RPS6KC1: variants seen among roughly 807,000 people sequenced by gnomAD.
RPS6KC1 encodes the protein ribosomal protein S6 kinase C1, also known as inactive ribosomal protein S6 kinase delta-1.
RPS6KC1 carries 54 observed loss-of-function variants against 103.8 expected under a neutral mutation model. The ratio of observed to expected loss-of-function variants is 0.52; its 90% CI spans 0.42 to 0.65. The LOEUF (loss-of-function observed/expected upper bound fraction) is 0.65, where lower values mean the gene tolerates loss of function less well. Ranked by LOEUF, RPS6KC1 falls within the 30% of genes least tolerant of loss-of-function variation. RPS6KC1 has a pLI of 0.00. For synonymous variants in RPS6KC1, 439 were observed against 438.7 expected (o/e 1.00, Z -0.01); for missense variants, 1,151 against 1,253.8 (o/e 0.92, Z 1.24).
the RPS6KC1 span, among the ~76,000 whole-genome samples, chr1:213,343,610 C>G: frequency 1.3e-5 from 2 of 150,038 alleles, no homozygotes. Flanking sequence ...GATGCAAAAG[C>G]ATAAGAATGA....
At chr1:213,728,962 T>TTTTTTTTTTTTTTTTTTTTTTG in the RPS6KC1 span, among the ~76,000 whole-genome samples, 1 of 146,934 alleles carries the variant, frequency 6.8e-6, no homozygotes, top group African/African-American at 2.6e-5. Flanking sequence ...TTTTTTTTTT[T>TTTTTTTTTTTTTTTTTTTTTTG]TTTACCAGTG....
intron 6 of RPS6KC1, among the ~76,000 whole-genome samples, chr1:213,136,021 G>GA (rs1283951573): frequency 6.6e-6 from 1 of 152,166 alleles, no homozygotes; most frequent in Non-Finnish European, 1.5e-5. Flanking sequence ...TAGTCCATCT[G>GA]AAAAAGAGTG....
the RPS6KC1 span, among the ~76,000 whole-genome samples, chr1:213,351,207 C>T: frequency 6.6e-6 from 1 of 152,142 alleles, no homozygotes; most frequent in Admixed American, 6.6e-5. Context: ...ATTTTGAACA[C>T]TTTTAAAGTT....
chr1:213,205,536 T>TATATATATATATATATATA (rs1553378413), intron 8 of RPS6KC1: 10 of 82,314 alleles, frequency 1.2e-4, no homozygotes, highest in East Asian at 1.0e-3. Context: ...ACAAACTCAT[T>TATATATATATATATATATA]TATATATATA....
the RPS6KC1 span, among the ~76,000 whole-genome samples, chr1:213,591,435 T>C: frequency 6.6e-6 from 1 of 152,198 alleles, no homozygotes; most frequent in Non-Finnish European, 1.5e-5. Context: ...TTTCCCACCA[T>C]GTTTCTCGGT....
the RPS6KC1 span, among the ~76,000 whole-genome samples, chr1:213,558,132 C>G: frequency 2.9e-4 from 44 of 152,216 alleles, no homozygotes; most frequent in Non-Finnish European, 2.8e-4. Flanking sequence ...GGAGGCTTTA[C>G]AGAGGCTTTT....
the RPS6KC1 span, among the ~76,000 whole-genome samples, chr1:213,659,516 GTCA>G: frequency 2.3e-4 from 35 of 151,994 alleles, no homozygotes; most frequent in African/African-American, 8.5e-4. Context: ...AAAGAAAATG[GTCA>G]TCATCACGTA....
intron 8 of RPS6KC1, among the ~76,000 whole-genome samples, chr1:213,221,108 A>G (rs2093820846): frequency 6.6e-6 from 1 of 152,230 alleles, no homozygotes; most frequent in African/African-American, 2.4e-5. Context: ...TAGACTGAAT[A>G]AAACATCTTA....
the RPS6KC1 span, among the ~76,000 whole-genome samples, chr1:213,794,920 A>G: frequency 2.0e-5 from 3 of 152,206 alleles, no homozygotes; most frequent in Non-Finnish European, 4.4e-5. Flanking sequence ...ATGTTAAAAT[A>G]TAAATAGATC....
chr1:213,412,741 G>GTGGCTGCGTCCTCAGC, the RPS6KC1 span, among the ~76,000 whole-genome samples: 2 of 152,240 alleles, frequency 1.3e-5, no homozygotes, highest in African/African-American at 4.8e-5. Context: ...CAGGGATGCA[G>GTGGCTGCGTCCTCAGC]TGGCTGCGTC....
At chr1:213,685,109 G>C in the RPS6KC1 span, among the ~76,000 whole-genome samples, 1 of 152,014 alleles carries the variant, frequency 6.6e-6, no homozygotes, top group Non-Finnish European at 1.5e-5. Flanking sequence ...CTGTTGCCCT[G>C]GATGAAAATG....
At chr1:213,197,222 C>T (rs1325166300) in intron 8 of RPS6KC1, among the ~76,000 whole-genome samples, 1 of 152,104 alleles carries the variant, frequency 6.6e-6, no homozygotes, top group Non-Finnish European at 1.5e-5. Flanking sequence ...AATGTGATGC[C>T]TCCAGATTTA....
the RPS6KC1 span, among the ~76,000 whole-genome samples, chr1:213,601,974 T>C: frequency 4.9e-4 from 14 of 28,636 alleles, no homozygotes; most frequent in Non-Finnish European, 2.8e-4. Flanking sequence ...CTCCCTCCCT[T>C]CCTTCCTCTC....
chr1:213,178,653 G>T lies in RPS6KC1; in HGVS notation c.1044+2161G>T, dbSNP rs535918093. 6.6e-5 allele frequency among the ~76,000 whole-genome samples: 10 copies of T among 152,066 alleles called. No individual in the cohort carries two copies. In the South Asian group the frequency reaches 2.1e-3, roughly 32 times the overall value. Reference sequence around the variant, plus strand: ...CCTAAGTTCTGCTGAGGGATAATTTGGTACTGTCTTTACTTACTCTGTTTA... The same window carrying T: ...CCTAAGTTCTGCTGAGGGATAATTTTGTACTGTCTTTACTTACTCTGTTTA... On this transcript the variant is annotated intron_variant, in intron 8 of 14. Transcript: ENST00000366960.
At chr1:213,828,916 TCA>T in the RPS6KC1 span, among the ~76,000 whole-genome samples, 1 of 152,210 alleles carries the variant, frequency 6.6e-6, no homozygotes, top group East Asian at 1.9e-4. Context: ...GGAAATGTAA[TCA>T]CAGTTTTTAA....
At chr1:213,066,620 G>C (rs918003458) in intron 1 of RPS6KC1, among the ~76,000 whole-genome samples, 19 of 152,202 alleles carry the variant, frequency 1.2e-4, no homozygotes, top group Non-Finnish European at 2.6e-4. Flanking sequence ...GAGACAATGA[G>C]TATTGCTAAG....
At position 213,199,374 on chromosome 1, in the gene RPS6KC1, A is replaced by G. The variant is rs144625603; in HGVS notation, c.1044+22882A>G. 3.7e-4 allele frequency among the ~76,000 whole-genome samples: 56 copies of G among 152,316 alleles called. 2 individuals carry two copies. In the East Asian group the frequency reaches 0.011, roughly 29 times the overall value. On this transcript the variant is annotated intron_variant, in intron 8 of 14. Coordinates refer to ENST00000366960, the MANE Select transcript of RPS6KC1 (RefSeq NM_012424.6). The stretch of plus-strand genomic sequence containing the variant: ...AATAAACATGATTGATTCATCACAT[A>G]AACAGAACTAAAGGACAAAAACCAC...
chr1:213,698,134 CTTATG>C, the RPS6KC1 span, among the ~76,000 whole-genome samples: 5 of 152,134 alleles, frequency 3.3e-5, no homozygotes, highest in South Asian at 2.1e-4. Flanking sequence ...ATACTTTCGA[CTTATG>C]TTGTGTTTAT....
intron 12 of RPS6KC1, among the ~76,000 whole-genome samples, chr1:213,254,040 T>C (rs928424305): frequency 5.3e-5 from 8 of 152,208 alleles, no homozygotes; most frequent in African/African-American, 1.7e-4. Flanking sequence ...CTGAAAAATA[T>C]CTTGGCTTAT....
Sources: allele counts gnomAD v4.1 joint callset (sites outside exome capture counted in the v4.1 genomes callset), GRCh38; gene constraint gnomAD v4.1.1; transcripts MANE v1.5; gene names NCBI Gene and HGNC (gene_info 2026-07-23, HGNC 2026-07-21).